MYPOP: variants seen among roughly 807,000 people sequenced by gnomAD.
The protein encoded by MYPOP is myb-related transcription factor, partner of profilin.
MYPOP carries 21 observed loss-of-function variants against 25.7 expected under a neutral mutation model. That is an observed-to-expected ratio of 0.82 (90% CI 0.58 to 1.18). The LOEUF (loss-of-function observed/expected upper bound fraction) is 1.18. MYPOP is among the 50% of genes most tolerant of loss of function. The probability of loss-of-function intolerance (pLI) is 0.00; values close to 1 mark genes in which losing one functional copy is unlikely to be tolerated. For synonymous variants in MYPOP, 280 were observed against 247.9 expected, an observed-to-expected ratio of 1.13 and a Z score of -1.22; for missense variants, 566 against 588.3, an observed-to-expected ratio of 0.96 and a Z score of 0.39.
At chr19:45,894,014 C>G (rs759744495) in intron 2 of MYPOP, among the ~76,000 whole-genome samples, 4 of 151,306 alleles carry the variant, frequency 2.6e-5, no homozygotes, top group Non-Finnish European at 4.4e-5. Context: ...TGGTCTCGAT[C>G]TCCTGACCTC....
rs1967121487 is a variant in MYPOP at position 45,891,289 on chromosome 19, G to T, written c.534C>A (p.Ser178Arg). Reference sequence around the variant, plus strand: ...AGGAGGGCCGGGCCCATGGCTCCGGGCTGCTGGAGCCCGCCTTGCTGTGGG... The same window carrying T: ...AGGAGGGCCGGGCCCATGGCTCCGGTCTGCTGGAGCCCGCCTTGCTGTGGG... ...TSAHSKAGSS[S>R]PEPWARPSCT... The change falls in exon 3 of 3, where the codon AGC becomes AGA. Residue 178 changes from serine (S) to arginine (R), a missense_variant. Ser to Arg is a moderately radical substitution (Grantham distance 110, BLOSUM62 -1). Transcript: ENST00000322217. 1 of 1,543,472 alleles carries T rather than the reference G, an allele frequency of 6.5e-7. No homozygotes were observed. Among genetic ancestry groups the T allele is most frequent in the Non-Finnish European group, 8.7e-7 (1 of 1,151,872 alleles).
intron 2 of MYPOP, among the ~76,000 whole-genome samples, chr19:45,900,597 G>A (rs780058727): frequency 1.3e-5 from 2 of 151,802 alleles, no homozygotes; most frequent in Non-Finnish European, 2.9e-5. Flanking sequence ...CAACCTCATC[G>A]AGCATGGGGC....
In MYPOP at chr19:45,891,304, CTTGCTGT is replaced by C. The variant is rs1248722708; in HGVS notation, c.512_518del (p.His171ArgfsTer115). ...ATGGCTCCGGGCTGCTGGAGCCCGCCTTGCTGTGGGCTGATGTATCTGTAGAGAGAGA... is the reference window on the plus strand; with the variant it reads ...ATGGCTCCGGGCTGCTGGAGCCCGCCGGGCTGATGTATCTGTAGAGAGAGA... On this transcript the variant is annotated frameshift_variant, in exon 3 of 3. Transcript: ENST00000322217. LOFTEE classifies it high-confidence loss of function. 4 of 1,532,886 alleles carry C rather than the reference CTTGCTGT, an allele frequency of 2.6e-6. No homozygotes were observed. 95.0% of individuals were successfully genotyped at this position (1,532,886 alleles called of 1,614,324 possible).
In MYPOP at chr19:45,890,835, TGGG is replaced by T. The variant is rs1967109406; in HGVS notation, c.985_987del (p.Pro329del). On this transcript the variant is annotated inframe_deletion, in exon 3 of 3. Coordinates refer to ENST00000322217, the MANE Select transcript of MYPOP (RefSeq NM_001012643.4). The stretch of plus-strand genomic sequence containing the variant: ...ACGGGCTCTGGGGTGATCTCCACCT[TGGG>T]GGCCGGTGGGGGCAGGACAGGCCTG... 3.3e-6 allele frequency: 3 copies of T among 900,994 alleles called. No homozygotes were observed. The highest frequency in any genetic ancestry group is 3.8e-6 in the Non-Finnish European group (3 of 794,710). 55.8% of individuals were successfully genotyped at this position (900,994 alleles called of 1,614,324 possible).
Position 45,890,449 on chromosome 19 carries a change from G to GC in MYPOP, c.*173dup. 1.9e-6 allele frequency: 2 copies of GC among 1,047,428 alleles called. No individual in the cohort carries two copies. Among genetic ancestry groups the GC allele is most frequent in the South Asian group, 1.8e-5 (1 of 56,882 alleles). 64.9% of individuals were successfully genotyped at this position (1,047,428 alleles called of 1,614,324 possible). ...TGTACCAGAGAAAGGGGTTGGGGGG[G>GC]CCCATTACTGAGGCCCCCCCCAGAG... is the stretch of plus-strand genomic sequence containing the variant. On this transcript the variant is annotated 3_prime_UTR_variant, in exon 3 of 3. Coordinates refer to ENST00000322217, the MANE Select transcript of MYPOP (RefSeq NM_001012643.4).
At chr19:45,900,744 ATGAAATAG>A (rs1462119794) in intron 2 of MYPOP, among the ~76,000 whole-genome samples, 3 of 152,218 alleles carry the variant, frequency 2.0e-5, no homozygotes, top group Non-Finnish European at 2.9e-5. Context: ...TCTTTTATTT[ATGAAATAG>A]TGAAATAGTA....
intron 2 of MYPOP, among the ~76,000 whole-genome samples, chr19:45,898,875 C>A (rs1251983368): frequency 6.6e-5 from 10 of 152,196 alleles, no homozygotes; most frequent in Non-Finnish European, 1.2e-4. Context: ...CTCACCACCT[C>A]CTGGTATACA....
At chr19:45,895,941 A>G (rs1967197603) in intron 2 of MYPOP, among the ~76,000 whole-genome samples, 1 of 152,030 alleles carries the variant, frequency 6.6e-6, no homozygotes, top group African/African-American at 2.4e-5. Flanking sequence ...TTCTCTCAAA[A>G]ACAGCCAGCC....
chr19:45,891,973 G>C (rs1967132747), intron 2 of MYPOP, among the ~76,000 whole-genome samples: 1 of 152,072 alleles, frequency 6.6e-6, no homozygotes, highest in South Asian at 2.1e-4. Flanking sequence ...AGGCTGGAGT[G>C]CAGTGGCGTG....
intron 2 of MYPOP, among the ~76,000 whole-genome samples, chr19:45,900,735 C>A (rs940506106): frequency 6.6e-6 from 1 of 152,120 alleles, no homozygotes; most frequent in African/African-American, 2.4e-5. Context: ...ATGTCTGAGT[C>A]TTTTATTTAT....
chr19:45,891,444 G>T, intron 2 of MYPOP, 121 bp from the exon 3 acceptor site: 2 of 1,062,216 alleles, frequency 1.9e-6, no homozygotes, highest in Non-Finnish European at 2.4e-6. Flanking sequence ...TCTCACCCCC[G>T]CCCCCCAGCC....
chr19:45,892,085 A>T (rs935070276), intron 2 of MYPOP, among the ~76,000 whole-genome samples: 1 of 151,668 alleles, frequency 6.6e-6, no homozygotes, highest in Admixed American at 6.6e-5. Context: ...CCGCCTGGCT[A>T]AATTTTTGTA....
rs561904937 is a variant in MYPOP at position 45,901,038 on chromosome 19, T to G, written c.499+237A>C. Among the ~76,000 whole-genome samples the G allele has an allele frequency of 6.6e-6, 1 of 152,348 alleles. No individual in the cohort carries two copies. The highest frequency in any genetic ancestry group is 1.5e-5 in the Non-Finnish European group (1 of 68,034). On this transcript the variant is annotated intron_variant, in intron 2 of 2. Coordinates refer to ENST00000322217, the MANE Select transcript of MYPOP (RefSeq NM_001012643.4). The surrounding 1 kb of genome is among the most constrained non-coding windows in gnomAD (Gnocchi z 5.7). ...TTTAATGAAATCCTGCCTGTGCTGATGACCCCAGGTGTGGACCTGAGTCAG... is the reference window on the plus strand; with the variant it reads ...TTTAATGAAATCCTGCCTGTGCTGAGGACCCCAGGTGTGGACCTGAGTCAG...
Position 45,891,321 on chromosome 19 carries a change from T to C in MYPOP, c.502A>G (p.Thr168Ala). The part of the protein sequence containing the change: ...EDRREDRRAD[T>A]SAHSKAGSSS... ...GAGCCCGCCTTGCTGTGGGCTGATG[T>C]ATCTGTAGAGAGAGAAATACAGGTA... Residue 168 changes from threonine to alanine, a missense_variant and splice_region_variant, in exon 3 of 3, where the codon ACA becomes GCA. Physicochemically the swap from Thr to Ala is moderately conservative, Grantham distance 58. Transcript: ENST00000322217. 2.0e-6 allele frequency: 3 copies of C among 1,507,632 alleles called. No individual in the cohort carries two copies. The highest frequency in any genetic ancestry group is 2.3e-5 in the East Asian group (1 of 43,098). The allele number at this position is 1,507,632 out of a possible 1,614,324, so 93.4% of individuals were successfully genotyped here. A position where few individuals can be genotyped will look rare whatever the true frequency, so the allele number is the denominator to read the frequency against.
At chr19:45,891,543 T>C (rs1490963692) in intron 2 of MYPOP, among the ~76,000 whole-genome samples, 3 of 151,818 alleles carry the variant, frequency 2.0e-5, no homozygotes, top group Non-Finnish European at 2.9e-5. Context: ...TTCAAGCGAT[T>C]ATCCTGCCTC....
At chr19:45,893,190 G>A (rs1168549421) in intron 2 of MYPOP, among the ~76,000 whole-genome samples, 2 of 152,056 alleles carry the variant, frequency 1.3e-5, no homozygotes, top group African/African-American at 4.8e-5. Flanking sequence ...CAGGAGAATC[G>A]CTTGAACCCG....
At chr19:45,894,717 CTTTT>C (rs987643038) in intron 2 of MYPOP, among the ~76,000 whole-genome samples, 1 of 147,396 alleles carries the variant, frequency 6.8e-6, no homozygotes, top group African/African-American at 2.5e-5. Flanking sequence ...ACATTTTTTT[CTTTT>C]TTCTTTTTTT....
chr19:45,899,000 G>A (rs970667976), intron 2 of MYPOP, among the ~76,000 whole-genome samples: 60 of 152,090 alleles, frequency 3.9e-4, no homozygotes, highest in Admixed American at 3.3e-4. Context: ...GCCAAGGCGG[G>A]CAGATCACCT....
At chr19:45,893,839 G>A (rs1047485531) in intron 2 of MYPOP, among the ~76,000 whole-genome samples, 7 of 149,708 alleles carry the variant, frequency 4.7e-5, no homozygotes, top group Non-Finnish European at 8.9e-5. Context: ...GCCCAGGCTG[G>A]AGTGCAGTGG....
Sources: gnomAD v4.1 joint callset for allele counts (sites outside exome capture counted in the v4.1 genomes callset) on GRCh38, gnomAD v4.1.1 for gene constraint, Gnocchi (gnomAD v3.1) non-coding constraint, MANE v1.5 for transcripts, NCBI Gene and HGNC (gene_info 2026-07-23, HGNC 2026-07-21) for gene names.